Variants in KCNH1 observed in about 807,000 individuals in gnomAD.
The protein encoded by KCNH1 is potassium voltage-gated channel subfamily H member 1.
KCNH1 carries 27 observed loss-of-function variants against 69.2 expected under a neutral mutation model. That is an observed-to-expected ratio of 0.39 (90% CI 0.29 to 0.54). KCNH1 has a LOEUF of 0.54. KCNH1 is among the 20% of genes least tolerant of loss of function. The probability of loss-of-function intolerance (pLI) is 0.68; values close to 1 mark genes in which losing one functional copy is unlikely to be tolerated. For synonymous variants in KCNH1, 456 were observed against 487.7 expected, an observed-to-expected ratio of 0.93 and a Z score of 0.86; for missense variants, 798 against 1,261.6, an observed-to-expected ratio of 0.63 and a Z score of 5.57.
chr1:210,848,073 A>C (rs562988954), intron 7 of KCNH1, among the ~76,000 whole-genome samples: 2 of 152,324 alleles, frequency 1.3e-5, no homozygotes, highest in South Asian at 4.1e-4. Flanking sequence ...TTTGTGAAAC[A>C]AGACTGTCAA....
chr1:210,839,408 A>T (rs986385157), intron 7 of KCNH1, among the ~76,000 whole-genome samples: 3 of 152,094 alleles, frequency 2.0e-5, no homozygotes, highest in Non-Finnish European at 2.9e-5. Flanking sequence ...GGGGAACAAC[A>T]AATACTGGGG....
At chr1:211,007,262 C>T (rs1689302145) in intron 6 of KCNH1, among the ~76,000 whole-genome samples, 1 of 152,110 alleles carries the variant, frequency 6.6e-6, no homozygotes, top group African/African-American at 2.4e-5. Flanking sequence ...CGTAAGAAAT[C>T]ATAAGATGTC....
At chr1:210,736,977 A>G (rs1682895214) in intron 10 of KCNH1, among the ~76,000 whole-genome samples, 1 of 152,210 alleles carries the variant, frequency 6.6e-6, no homozygotes, top group Admixed American at 6.5e-5. Flanking sequence ...CCATTTATGC[A>G]GAATTACATG....
chr1:210,842,593 C>A (rs1354914074), intron 7 of KCNH1, among the ~76,000 whole-genome samples: 2 of 152,038 alleles, frequency 1.3e-5, no homozygotes, highest in African/African-American at 4.8e-5. Flanking sequence ...TTACTCATAC[C>A]CGTGTGTGGT....
intron 5 of KCNH1, among the ~76,000 whole-genome samples, chr1:211,051,276 G>T (rs1228990287): frequency 6.6e-6 from 1 of 152,128 alleles, no homozygotes; most frequent in Non-Finnish European, 1.5e-5. Flanking sequence ...GTGATTACAG[G>T]CGTGAGCCAC....
At chr1:211,069,893 A>G (rs1690605286) in intron 5 of KCNH1, among the ~76,000 whole-genome samples, 1 of 152,242 alleles carries the variant, frequency 6.6e-6, no homozygotes, top group Non-Finnish European at 1.5e-5. Context: ...GTGATAAAAT[A>G]GGCTATTTTA....
At chr1:210,894,378 G>A (rs1686816482) in intron 7 of KCNH1, among the ~76,000 whole-genome samples, 1 of 152,152 alleles carries the variant, frequency 6.6e-6, no homozygotes, top group Non-Finnish European at 1.5e-5. Context: ...AGCTGGCCTG[G>A]TGGGAACTGA....
intron 7 of KCNH1, among the ~76,000 whole-genome samples, chr1:210,833,931 A>G (rs966628443): frequency 1.3e-5 from 2 of 152,238 alleles, no homozygotes; most frequent in Non-Finnish European, 2.9e-5. Context: ...AACACATGAA[A>G]AAATGCTCAC....
At chr1:211,073,091 A>C (rs376989506) in intron 5 of KCNH1, among the ~76,000 whole-genome samples, 174 of 152,320 alleles carry the variant, frequency 1.1e-3, no homozygotes, top group African/African-American at 3.8e-3. Flanking sequence ...TTAATTTCAG[A>C]CAGAGCAGAC....
chr1:210,865,204 C>T (rs1461675791), intron 7 of KCNH1, among the ~76,000 whole-genome samples: 4 of 152,128 alleles, frequency 2.6e-5, no homozygotes, highest in Non-Finnish European at 5.9e-5. Context: ...AAACATATGC[C>T]CCCATAGTCT....
chr1:210,724,412 G>C (rs1350795867), intron 10 of KCNH1, among the ~76,000 whole-genome samples: 1 of 152,076 alleles, frequency 6.6e-6, no homozygotes, highest in Non-Finnish European at 1.5e-5. Flanking sequence ...AGTAGCGTTA[G>C]ATTCCAGGCC....
intron 6 of KCNH1, 36 bp downstream of exon 6, chr1:211,018,747 G>T (rs1317081813): frequency 4.0e-6 from 6 of 1,504,658 alleles, no homozygotes; most frequent in Non-Finnish European, 5.4e-6. Context: ...CAGTTTTAAA[G>T]ACATGACAAC....
At chr1:210,951,899 T>G (rs1475760595) in intron 6 of KCNH1, among the ~76,000 whole-genome samples, 1 of 152,146 alleles carries the variant, frequency 6.6e-6, no homozygotes, top group Non-Finnish European at 1.5e-5. Flanking sequence ...TACTCCCTCA[T>G]GCAAAAGCCT....
chr1:210,865,078 T>C (rs1686077474), intron 7 of KCNH1, among the ~76,000 whole-genome samples: 1 of 152,232 alleles, frequency 6.6e-6, no homozygotes, highest in South Asian at 2.1e-4. Flanking sequence ...CACAAGGCTT[T>C]CCAGGTTCAA....
rs1211838939 is a variant in KCNH1, at chr1:210,678,441, A to G, written c.*4840T>C. ...GAAGGGCCTGCACGTTCCTCTTAAC[A>G]TTCCCAAGCCACAGATATACAGTGG... On this transcript the variant is annotated 3_prime_UTR_variant, in exon 11 of 11. Coordinates refer to ENST00000271751, the MANE Select transcript of KCNH1 (RefSeq NM_172362.3). The G allele has an allele frequency of 6.6e-6, 1 of 152,214 alleles. No individual in the cohort carries two copies. The highest frequency in any genetic ancestry group is 2.4e-5 in the African/African-American group (1 of 41,460). 9.4% of individuals were successfully genotyped at this position (152,214 alleles called of 1,614,324 possible).
At chr1:210,909,048 T>C (rs1318216656) in intron 7 of KCNH1, among the ~76,000 whole-genome samples, 1 of 152,226 alleles carries the variant, frequency 6.6e-6, no homozygotes, top group Non-Finnish European at 1.5e-5. Flanking sequence ...CTCTAGCTGA[T>C]GAGAGCTGAA....
At chr1:210,894,253 T>G (rs1686812586) in intron 7 of KCNH1, among the ~76,000 whole-genome samples, 1 of 152,152 alleles carries the variant, frequency 6.6e-6, no homozygotes, top group Non-Finnish European at 1.5e-5. Context: ...ATCCTTTGAG[T>G]CTTACCTTTA....
At position 210,683,465 on chromosome 1, in the gene KCNH1, A is replaced by G; in HGVS notation, c.2786T>C (p.Val929Ala). The G allele has an allele frequency of 6.2e-7, 1 of 1,613,880 alleles. No individual in the cohort carries two copies. Among genetic ancestry groups the G allele is most frequent in the Non-Finnish European group, 8.5e-7 (1 of 1,179,988 alleles). ...GATGTCCTCCTTCAGCTCGTGCCTC[A>G]CCTCCAGGACTGTGGCCTGCAGCGT... ...EQTLQATVLE[V>A]RHELKEDIKA... The change falls in exon 11 of 11, where the codon GTG becomes GCG. Residue 929 changes from valine to alanine, a missense_variant. By Grantham distance (64) the Val-to-Ala change is moderately conservative. Transcript: ENST00000271751. The surrounding 1 kb of genome is among the most constrained non-coding windows in gnomAD (Gnocchi z 5.7).
At chr1:211,045,362 C>T (rs1690079632) in intron 5 of KCNH1, among the ~76,000 whole-genome samples, 1 of 151,488 alleles carries the variant, frequency 6.6e-6, no homozygotes, top group Non-Finnish European at 1.5e-5. Flanking sequence ...CAAATCACCA[C>T]TAAAGAACTG....
Sources: gnomAD v4.1 joint callset for allele counts (sites outside exome capture counted in the v4.1 genomes callset) on GRCh38, gnomAD v4.1.1 for gene constraint, Gnocchi (gnomAD v3.1) non-coding constraint, MANE v1.5 for transcripts, NCBI Gene and HGNC (gene_info 2026-07-23, HGNC 2026-07-21) for gene names.